ENKUR: variants seen among roughly 807,000 people sequenced by gnomAD.
ENKUR encodes the protein enkurin.
A neutral mutation model predicts 27.6 loss-of-function variants in ENKUR; 19 were observed. The ratio of observed to expected loss-of-function variants is 0.69; its 90% CI spans 0.48 to 1.01. ENKUR has a LOEUF of 1.01. Among genes scored for constraint, ENKUR ranks in the 50% least tolerant of loss-of-function variants. ENKUR has a pLI of 0.00. For synonymous variants in ENKUR, 117 were observed against 96.9 expected (o/e 1.21, Z -1.22); for missense variants, 312 against 310.5 (o/e 1.00, Z -0.04).
intron 2 of ENKUR, among the ~76,000 whole-genome samples, chr10:25,045,012 A>G (rs1276713888): frequency 6.6e-6 from 1 of 152,066 alleles, no homozygotes; most frequent in Non-Finnish European, 1.5e-5. Context: ...CACTTTATCC[A>G]TTTATGCCTT....
At chr10:25,041,985 A>G (rs770075080) in intron 2 of ENKUR, among the ~76,000 whole-genome samples, 4 of 152,210 alleles carry the variant, frequency 2.6e-5, no homozygotes, top group African/African-American at 9.6e-5. Flanking sequence ...AAAGAAAATT[A>G]GTAAGTTGAT....
At chr10:25,039,804 TG>T (rs1211561275) in intron 2 of ENKUR, among the ~76,000 whole-genome samples, 16 of 152,140 alleles carry the variant, frequency 1.1e-4, no homozygotes, top group Admixed American at 7.9e-4. Flanking sequence ...CTTATCTTTT[TG>T]TTCCACATGG....
At chr10:24,997,474 C>T (rs1481230508) in intron 2 of ENKUR, among the ~76,000 whole-genome samples, 2 of 151,048 alleles carry the variant, frequency 1.3e-5, no homozygotes, top group African/African-American at 2.4e-5. Context: ...GCAGCCTCAA[C>T]TTCCTGGGCT....
chr10:25,028,576 T>C (rs905217932), intron 2 of ENKUR, among the ~76,000 whole-genome samples: 6 of 152,338 alleles, frequency 3.9e-5, no homozygotes, highest in Non-Finnish European at 7.4e-5. Context: ...TTCTGTACTT[T>C]AGCATAAGAA....
At chr10:25,005,241 T>C (rs1228782051) in intron 1 of ENKUR, among the ~76,000 whole-genome samples, 2 of 152,184 alleles carry the variant, frequency 1.3e-5, no homozygotes, top group Non-Finnish European at 2.9e-5. Flanking sequence ...TTATGAGATA[T>C]GGGCTAAAGA....
intron 1 of ENKUR, among the ~76,000 whole-genome samples, chr10:25,004,293 AG>A (rs1554770366): frequency 6.6e-6 from 1 of 152,184 alleles, no homozygotes; most frequent in Non-Finnish European, 1.5e-5. Context: ...GTATATATCC[AG>A]TTATGGGATT....
chr10:25,041,915 T>G (rs1265014084), intron 2 of ENKUR, among the ~76,000 whole-genome samples: 1 of 152,140 alleles, frequency 6.6e-6, no homozygotes, highest in Non-Finnish European at 1.5e-5. Context: ...CATGACAAAC[T>G]AAATGAAACT....
intron 2 of ENKUR, among the ~76,000 whole-genome samples, chr10:24,997,582 TCTCACTTTGTTG>T (rs1358558657): frequency 6.6e-6 from 1 of 151,794 alleles, no homozygotes; most frequent in African/African-American, 2.4e-5. Flanking sequence ...AGAGATAGGG[TCTCACTTTGTTG>T]CTCAGGCTGG....
chr10:25,018,698 CTATT>C (rs1850660809), upstream of ENKUR, among the ~76,000 whole-genome samples: 1 of 108,790 alleles, frequency 9.2e-6, no homozygotes. Context: ...TTATTTTAAT[CTATT>C]TAAATGAATA....
intron 2 of ENKUR, chr10:25,024,646 C>T (rs200567760): frequency 1.2e-4 from 196 of 1,614,064 alleles, no homozygotes; most frequent in Admixed American, 5.3e-4. Context: ...AAACTGGGGC[C>T]GACTACTTCC....
intron 2 of ENKUR, among the ~76,000 whole-genome samples, chr10:25,036,260 A>T (rs1851006691): frequency 6.6e-6 from 1 of 152,104 alleles, no homozygotes; most frequent in Admixed American, 6.6e-5. Context: ...AAGTCTCACG[A>T]GATCTGATGG....
rs1849703288 is a variant in ENKUR at position 24,983,043 on chromosome 10, C to T, written c.*1327G>A. ...ATCATTTCACAAATAAAATACTTAC[C>T]TAAACATCTCATCCTGAATTGGCAG... On this transcript the variant is annotated 3_prime_UTR_variant, in exon 6 of 6. Transcript: ENST00000331161. 1 of 152,090 alleles carries T rather than the reference C, an allele frequency of 6.6e-6. No homozygotes were observed. The allele number at this position is 152,090 out of a possible 1,614,324, so 9.4% of individuals were successfully genotyped here.
intron 3 of ENKUR, among the ~76,000 whole-genome samples, chr10:24,992,308 GA>G (rs1457097962): frequency 2.6e-5 from 4 of 152,114 alleles, no homozygotes; most frequent in Non-Finnish European, 5.9e-5. Flanking sequence ...GATAGTGGGG[GA>G]AAAGAAAATA....
intron 1 of ENKUR, among the ~76,000 whole-genome samples, chr10:25,008,227 A>C (rs1156725085): frequency 2.0e-5 from 3 of 152,162 alleles, no homozygotes. Flanking sequence ...GAATTTTAGC[A>C]TAAAATGTCA....
chr10:25,043,375 T>C (rs1170069042), intron 2 of ENKUR, among the ~76,000 whole-genome samples: 1 of 152,198 alleles, frequency 6.6e-6, no homozygotes, highest in African/African-American at 2.4e-5. Context: ...GCTTTTTATG[T>C]TCTAATTATA....
intron 2 of ENKUR, chr10:25,024,062 G>A: frequency 6.2e-7 from 1 of 1,614,152 alleles, no homozygotes; most frequent in Non-Finnish European, 8.5e-7. Context: ...TGCGGGGAGT[G>A]GAAAAGCCTA....
rs1849687446 is a variant in ENKUR at position 24,982,415 on chromosome 10, A to G, written c.*1955T>C. The G allele has an allele frequency of 6.6e-6, 1 of 152,282 alleles. No individual in the cohort carries two copies. Among genetic ancestry groups the G allele is most frequent in the African/African-American group, 2.4e-5 (1 of 41,452 alleles). The allele number at this position is 152,282 out of a possible 1,614,324, so 9.4% of individuals were successfully genotyped here. On this transcript the variant is annotated 3_prime_UTR_variant, in exon 6 of 6. Transcript: ENST00000331161. ...AGAAATCAAGCTAAAAAGATCATAG[A>G]CAAGGGGCCAGACCACATCAAATCT...
chr10:25,018,210 CTT>C (rs901224788), upstream of ENKUR, among the ~76,000 whole-genome samples: 12 of 152,286 alleles, frequency 7.9e-5, no homozygotes, highest in African/African-American at 2.6e-4. Flanking sequence ...TGGAAAAAAA[CTT>C]TTCTTTTTTC....
At position 24,990,607 on chromosome 10, in the gene ENKUR, A is replaced by G; in HGVS notation, c.450T>C (p.Asp150=). ...ATATGTATTCAGGTGTGACACCATAATCCTAAAAAGATTTTGCAGAAAAAA... is the reference window on the plus strand; with the variant it reads ...ATATGTATTCAGGTGTGACACCATAGTCCTAAAAAGATTTTGCAGAAAAAA... ...GLVPKYINKK[D]YGVTPEYICK... is the part of the protein sequence containing the mutation. Residue 150 remains aspartate, a splice_region_variant and synonymous_variant, in exon 4 of 6, where the codon GAT becomes GAC. Coordinates refer to ENST00000331161, the MANE Select transcript of ENKUR (RefSeq NM_145010.4). 1 of 1,594,580 alleles carries G rather than the reference A, an allele frequency of 6.3e-7. No individual in the cohort carries two copies. The highest frequency in any genetic ancestry group is 8.5e-7 in the Non-Finnish European group (1 of 1,175,178).
Sources: gnomAD v4.1 joint callset for allele counts (sites outside exome capture counted in the v4.1 genomes callset) on GRCh38, gnomAD v4.1.1 for gene constraint, MANE v1.5 for transcripts, NCBI Gene and HGNC (gene_info 2026-07-23, HGNC 2026-07-21) for gene names.